The following CNBD1 variants were observed in gnomAD, a reference collection of about 807,000 sequenced individuals.
The protein encoded by CNBD1 is cyclic nucleotide binding domain containing 1, also known as cyclic nucleotide-binding domain-containing protein 1.
CNBD1 carries 71 observed loss-of-function variants against 54.4 expected under a neutral mutation model. The ratio of observed to expected loss-of-function variants is 1.30; its 90% CI spans 1.08 to 1.59. The LOEUF (loss-of-function observed/expected upper bound fraction) is 1.59. Among genes scored for constraint, CNBD1 ranks in the 40% most tolerant of loss-of-function variants. CNBD1 has a pLI of 0.00. For synonymous variants in CNBD1, 182 were observed against 170.7 expected (o/e 1.07, Z -0.51); for missense variants, 659 against 518.0 (o/e 1.27, Z -2.64).
intron 4 of CNBD1, among the ~76,000 whole-genome samples, chr8:87,193,827 T>C (rs568367048): frequency 1.4e-4 from 22 of 152,352 alleles, no homozygotes; most frequent in Non-Finnish European, 2.4e-4. Flanking sequence ...ATAAAGAGAA[T>C]GTTCAGCTCC....
chr8:87,409,271 G>T (rs568442056), intron 2 of CNBD1, among the ~76,000 whole-genome samples: 68 of 152,258 alleles, frequency 4.5e-4, no homozygotes, highest in African/African-American at 1.6e-3. Context: ...GGTCTGAATA[G>T]AAGATCAAAT....
At chr8:87,342,061 C>T (rs1054524977) in intron 8 of CNBD1, among the ~76,000 whole-genome samples, 2 of 152,072 alleles carry the variant, frequency 1.3e-5, no homozygotes, top group East Asian at 1.9e-4. Context: ...ATCACAAGGT[C>T]AGGAGATCCA....
intron 4 of CNBD1, among the ~76,000 whole-genome samples, chr8:87,172,251 G>GT: frequency 6.6e-6 from 1 of 152,108 alleles, no homozygotes; most frequent in South Asian, 2.1e-4. Flanking sequence ...AATTATTTCA[G>GT]TTTTTCTGAA....
intron 10 of CNBD1, among the ~76,000 whole-genome samples, chr8:87,369,995 G>T (rs1171114078): frequency 1.3e-5 from 2 of 151,818 alleles, no homozygotes; most frequent in Non-Finnish European, 2.9e-5. Flanking sequence ...TTTTGTCCCT[G>T]CAATAGTTTA....
intron 4 of CNBD1, among the ~76,000 whole-genome samples, chr8:87,188,986 C>T (rs771852329): frequency 1.4e-4 from 21 of 150,872 alleles, no homozygotes; most frequent in South Asian, 4.2e-4. Flanking sequence ...GAATGGTGTT[C>T]GTTTTTTTTT....
At chr8:87,091,705 T>G (rs1372594765) in intron 4 of CNBD1, among the ~76,000 whole-genome samples, 4 of 152,164 alleles carry the variant, frequency 2.6e-5, no homozygotes, top group Non-Finnish European at 4.4e-5. Flanking sequence ...AAATACAGTC[T>G]TGAGAGTTGT....
intron 4 of CNBD1, among the ~76,000 whole-genome samples, chr8:86,960,432 G>T (rs1807898846): frequency 6.6e-6 from 1 of 152,164 alleles, no homozygotes; most frequent in African/African-American, 2.4e-5. Flanking sequence ...AGTGAGGCTG[G>T]GGGAGGGGCG....
intron 4 of CNBD1, among the ~76,000 whole-genome samples, chr8:86,991,476 A>G (rs1808747011): frequency 6.6e-6 from 1 of 151,638 alleles, no homozygotes; most frequent in South Asian, 2.1e-4. Flanking sequence ...CCTTGGTTTC[A>G]TTGATATTTG....
intron 4 of CNBD1, among the ~76,000 whole-genome samples, chr8:87,029,057 A>G (rs1188045751): frequency 2.0e-5 from 3 of 150,626 alleles, no homozygotes; most frequent in Non-Finnish European, 4.4e-5. Flanking sequence ...ATTTAAACTT[A>G]TATTTATTCT....
chr8:87,193,014 T>C (rs1236397354), intron 4 of CNBD1, among the ~76,000 whole-genome samples: 1 of 152,144 alleles, frequency 6.6e-6, no homozygotes, highest in Non-Finnish European at 1.5e-5. Flanking sequence ...TTCAATCTTA[T>C]ATGTAGGAAG....
rs966487775 is a variant in CNBD1, at chr8:87,320,392, A to G, written c.1043-31293A>G. 9.2e-5 allele frequency among the ~76,000 whole-genome samples: 14 copies of G among 152,084 alleles called. 1 individual carries two copies. The highest frequency in any genetic ancestry group is 9.2e-4 in the Admixed American group (14 of 15,252). On this transcript the variant is annotated intron_variant, in intron 8 of 10. Coordinates refer to ENST00000518476, the MANE Select transcript of CNBD1 (RefSeq NM_173538.3). Reference sequence around the variant, plus strand: ...TTGAAAAATAACTTAGATTTTCAATACCTTTATAAAAATTGGCTGAAAACA... The same window carrying G: ...TTGAAAAATAACTTAGATTTTCAATGCCTTTATAAAAATTGGCTGAAAACA...
chr8:87,003,382 A>T (rs1809032464), intron 4 of CNBD1, among the ~76,000 whole-genome samples: 1 of 152,312 alleles, frequency 6.6e-6, no homozygotes, highest in South Asian at 2.1e-4. Context: ...TTATTTCATC[A>T]TGATGATAAT....
In CNBD1 at chr8:87,322,468, G is replaced by A. The variant is rs1298530858; in HGVS notation, c.1043-29217G>A. On this transcript the variant is annotated intron_variant, in intron 8 of 10. Transcript: ENST00000518476. ...CTCCACATCCTCTCTAACACCTGTT[G>A]TTTCCTGACTTTTTAATGATTGCCA... is the stretch of plus-strand genomic sequence containing the variant. Among the ~76,000 whole-genome samples, 6 of 122,206 alleles carry A rather than the reference G, an allele frequency of 4.9e-5. 1 individual carries two copies. In the East Asian group the frequency reaches 1.3e-3, roughly 26 times the overall value. 80.2% of individuals were successfully genotyped at this position (122,206 alleles called of 152,430 possible).
intron 2 of CNBD1, among the ~76,000 whole-genome samples, chr8:87,399,871 AAATT>A (rs1413415120): frequency 6.6e-6 from 1 of 151,988 alleles, no homozygotes; most frequent in Admixed American, 6.6e-5. Flanking sequence ...ACCATCACTG[AAATT>A]AATTATTTAC....
At chr8:86,979,213 G>C (rs1808411341) in intron 4 of CNBD1, among the ~76,000 whole-genome samples, 1 of 151,594 alleles carries the variant, frequency 6.6e-6, no homozygotes, top group Admixed American at 6.6e-5. Flanking sequence ...TTCTTGTGTA[G>C]TTTTATTATG....
intron 4 of CNBD1, among the ~76,000 whole-genome samples, chr8:87,080,411 G>A (rs774841827): frequency 3.6e-4 from 55 of 151,864 alleles, no homozygotes; most frequent in Non-Finnish European, 6.6e-4. Context: ...GTGAAACCCC[G>A]TCTCTACTAA....
At chr8:86,875,010 ATATATATATATG>A (rs1035915924) in intron 1 of CNBD1, among the ~76,000 whole-genome samples, 19 of 104,214 alleles carry the variant, frequency 1.8e-4, no homozygotes, top group Admixed American at 5.1e-4. Context: ...ATATATATAT[ATATATATATATG>A]TATTAAAAAT....
At chr8:87,048,576 A>G (rs1030137614) in intron 4 of CNBD1, among the ~76,000 whole-genome samples, 29 of 152,274 alleles carry the variant, frequency 1.9e-4, no homozygotes, top group African/African-American at 6.0e-4. Flanking sequence ...GAGGGGTCCA[A>G]TGTCACTTTG....
intron 1 of CNBD1, among the ~76,000 whole-genome samples, chr8:86,880,681 G>T (rs1808593964): frequency 6.6e-6 from 1 of 151,904 alleles, no homozygotes; most frequent in Admixed American, 6.6e-5. Context: ...AAGAGGAAAG[G>T]GTAGAATAAG....
Sources: gnomAD v4.1 joint callset for allele counts (sites outside exome capture counted in the v4.1 genomes callset) on GRCh38, gnomAD v4.1.1 for gene constraint, MANE v1.5 for transcripts, NCBI Gene and HGNC (gene_info 2026-07-23, HGNC 2026-07-21) for gene names.